Variants in ZNF517 observed in about 807,000 individuals in gnomAD.
The protein encoded by ZNF517 is zinc finger protein 517.
In ZNF517, 12 loss-of-function variants were observed where a neutral mutation model predicts 12.1. That is an observed-to-expected ratio of 0.99 (90% confidence interval 0.63 to 1.61). ZNF517 has a LOEUF of 1.61. ZNF517 is among the 40% of genes most tolerant of loss of function. The probability of loss-of-function intolerance (pLI) is 0.00; values close to 1 mark genes in which losing one functional copy is unlikely to be tolerated. For synonymous variants in ZNF517, 388 were observed against 310.2 expected, an observed-to-expected ratio of 1.25 and a Z score of -2.63; for missense variants, 781 against 693.2, an observed-to-expected ratio of 1.13 and a Z score of -1.42.
In ZNF517 at chr8:144,807,982, G is replaced by C. The variant is rs759062231; in HGVS notation, c.1066G>C (p.Gly356Arg). The change falls in exon 5 of 5, where the codon GGA becomes CGA. Residue 356 changes from glycine (G) to arginine (R), a missense_variant. Transcript: ENST00000359971. ...CGGCGTGGGGCAGGGCGCCCTGCTC[G>C]GAGCTGCGCAGAGGCCCCAGGCGGG... ...DGGVGQGALL[G>R]AAQRPQAGDP... 1.3e-6 allele frequency: 2 copies of C among 1,528,448 alleles called. No individual in the cohort carries two copies. Among genetic ancestry groups the C allele is most frequent in the South Asian group, 2.5e-5 (2 of 80,106 alleles). 94.7% of individuals were successfully genotyped at this position (1,528,448 alleles called of 1,614,324 possible).
intron 1 of ZNF517, among the ~76,000 whole-genome samples, chr8:144,801,743 A>T (rs895842152): frequency 3.9e-5 from 6 of 152,280 alleles, no homozygotes; most frequent in African/African-American, 1.4e-4. Flanking sequence ...TTAGAAAAAT[A>T]GAAAGAGGCC....
At position 144,808,081 on chromosome 8, in the gene ZNF517, C is replaced by T. The variant is rs1827368069; in HGVS notation, c.1165C>T (p.Leu389=). 2 of 1,610,082 alleles carry T rather than the reference C, an allele frequency of 1.2e-6. No homozygotes were observed. Among genetic ancestry groups the T allele is most frequent in the African/African-American group, 2.7e-5 (2 of 74,684 alleles). ...HNSLLLLHLR[L]HTGEKPFECA... The stretch of plus-strand genomic sequence containing the variant: ...CTCCCTGCTGCTGCTGCACCTGCGC[C>T]TACACACGGGCGAGAAGCCGTTCGA... The change falls in exon 5 of 5, where the codon CTA becomes TTA. Residue 389 remains leucine (L), a synonymous_variant. Transcript: ENST00000359971.
intron 1 of ZNF517, among the ~76,000 whole-genome samples, chr8:144,799,493 T>A (rs1586757790): frequency 6.6e-6 from 1 of 152,206 alleles, no homozygotes; most frequent in East Asian, 1.9e-4. Context: ...GGAGCATGAA[T>A]TGTAATAGAG....
At position 144,807,703 on chromosome 8, in the gene ZNF517, T is replaced by A. The variant is rs1227124948; in HGVS notation, c.787T>A (p.Cys263Ser). Residue 263 changes from cysteine (C) to serine (S), a missense_variant, in exon 5 of 5, where the codon TGC (cysteine) becomes AGC (serine). Coordinates refer to ENST00000359971, the MANE Select transcript of ZNF517 (RefSeq NM_213605.3). ...CCACACCCGCGAGCGGCCCTACGCA[T>A]GCGGCGAGTGCGGCAAGGCCTTCAG... Reference protein sequence around the residue: ...RVHTRERPYACGECGKAFSRS... With the variant: ...RVHTRERPYASGECGKAFSRS... 1.2e-6 allele frequency: 2 copies of A among 1,610,886 alleles called. No individual in the cohort carries two copies. Among genetic ancestry groups the A allele is most frequent in the Admixed American group, 3.3e-5 (2 of 59,906 alleles).
intron 4 of ZNF517, among the ~76,000 whole-genome samples, chr8:144,806,726 C>A (rs1289433002): frequency 1.3e-5 from 2 of 152,072 alleles, no homozygotes; most frequent in South Asian, 4.1e-4. Flanking sequence ...CTCAGGTGAT[C>A]GGCCCACCTC....
At chr8:144,810,163 G>C (rs963505017), downstream of ZNF517, 5 of 698,394 alleles carry the variant, frequency 7.2e-6, no homozygotes, top group Non-Finnish European at 1.3e-5. Flanking sequence ...AGCTCAGAAG[G>C]TGGGCCAGGA....
Position 144,808,123 on chromosome 8 carries a change from A to C in ZNF517, c.1207A>C (p.Lys403Gln). ...EKPFECAECG[K>Q]AFGRKSNLTL... The stretch of plus-strand genomic sequence containing the variant: ...GCCGTTCGAGTGCGCGGAGTGCGGC[A>C]AGGCCTTCGGTCGCAAGTCCAACCT... The change falls in exon 5 of 5, where the codon AAG (lysine) becomes CAG (glutamine). Residue 403 changes from lysine to glutamine, a missense_variant. Physicochemically the swap from Lys to Gln is moderately conservative, Grantham distance 53 (BLOSUM62 1). Coordinates refer to ENST00000359971, the MANE Select transcript of ZNF517 (RefSeq NM_213605.3). 6.2e-7 allele frequency: 1 copy of C among 1,612,366 alleles called. No homozygotes were observed.
At chr8:144,802,679 A>G (rs1387717523) in intron 1 of ZNF517, 191 bp from the exon 2 acceptor site, 3 of 880,192 alleles carry the variant, frequency 3.4e-6, no homozygotes, top group Admixed American at 6.2e-5. Flanking sequence ...AGAGCCAGAA[A>G]ACATTGGAAG....
intron 1 of ZNF517, 46 bp from the exon 2 acceptor site, chr8:144,802,824 G>T: frequency 6.2e-7 from 1 of 1,608,152 alleles, no homozygotes. Flanking sequence ...GGGCTGGAGG[G>T]CCTTAGGCCT....
rs2130449372 is a variant in ZNF517, at chr8:144,807,183, TC to T, written c.275-7del. 1 of 1,516,728 alleles carries T rather than the reference TC, an allele frequency of 6.6e-7. No individual in the cohort carries two copies. The highest frequency in any genetic ancestry group is 8.8e-7 in the Non-Finnish European group (1 of 1,133,794). 94.0% of individuals were successfully genotyped at this position (1,516,728 alleles called of 1,614,324 possible). On this transcript the variant is annotated splice_region_variant and splice_polypyrimidine_tract_variant and intron_variant, in intron 4 of 4. Coordinates refer to ENST00000359971, the MANE Select transcript of ZNF517 (RefSeq NM_213605.3). ...GATCATCCTTCCGTTTTCTGTTCCT[TC>T]TCTCAGATTCCAGGATGGAGGCTGG...
chr8:144,799,344 C>A (rs1438319618), intron 1 of ZNF517, among the ~76,000 whole-genome samples: 3 of 152,310 alleles, frequency 2.0e-5, no homozygotes, highest in Middle Eastern at 3.4e-3. Context: ...GTTCATTTAC[C>A]CTGCGCAGTT....
At position 144,808,365 on chromosome 8, in the gene ZNF517, G is replaced by T; in HGVS notation, c.1449G>T (p.Glu483Asp). Reference protein sequence around the residue: ...VHGREPGEDTEGRRAPCWAS With the variant: ...VHGREPGEDTDGRRAPCWAS ...GCCGCGAGCCCGGGGAGGACACAGA[G>T]GGCAGGCGGGCGCCCTGTTGGGCTT... Residue 483 changes from glutamate (E) to aspartate (D), a missense_variant, in exon 5 of 5, where the codon GAG (glutamate) becomes GAT (aspartate). Physicochemically the swap from Glu to Asp is conservative, Grantham distance 45 (BLOSUM62 2). Coordinates refer to ENST00000359971, the MANE Select transcript of ZNF517 (RefSeq NM_213605.3). 1.4e-6 allele frequency: 2 copies of T among 1,461,188 alleles called. No individual in the cohort carries two copies. Among genetic ancestry groups the T allele is most frequent in the Non-Finnish European group, 1.8e-6 (2 of 1,105,850 alleles). The allele number at this position is 1,461,188 out of a possible 1,614,324, so 90.5% of individuals were successfully genotyped here. A position where few individuals can be genotyped will look rare whatever the true frequency, so the allele number is the denominator to read the frequency against.
chr8:144,810,644 C>T (rs567909422), downstream of ZNF517: 1 of 174,012 alleles, frequency 5.7e-6, no homozygotes, highest in Non-Finnish European at 1.2e-5. Context: ...GGCAGCTGCC[C>T]ACATGCCCGC....
Position 144,807,497 on chromosome 8 carries a change from G to A in ZNF517, c.581G>A (p.Arg194Lys). The A allele has an allele frequency of 1.3e-6, 2 of 1,588,846 alleles. No individual in the cohort carries two copies. The highest frequency in any genetic ancestry group is 1.7e-6 in the Non-Finnish European group (2 of 1,168,216). Residue 194 changes from arginine (R) to lysine (K), a missense_variant, in exon 5 of 5, where the codon AGG becomes AAG. Physicochemically the swap from Arg to Lys is conservative, Grantham distance 26. Coordinates refer to ENST00000359971, the MANE Select transcript of ZNF517 (RefSeq NM_213605.3). Reference protein sequence around the residue: ...KAFRYNSLLLRHQIIHTGAKP... With the variant: ...KAFRYNSLLLKHQIIHTGAKP... ...TTCAGATACAACTCGCTGCTTCTCA[G>A]GCACCAGATCATCCACACCGGCGCC...
In ZNF517 at chr8:144,810,067, C is replaced by T; in HGVS notation, c.*1672C>T. ...GACTCTGTCTCAAACAAATAAAAAT[C>T]CCCTCTCCTAAACTCCATTATTGGT... On this transcript the variant is annotated 3_prime_UTR_variant, in exon 5 of 5. Transcript: ENST00000359971. 2 of 522,418 alleles carry T rather than the reference C, an allele frequency of 3.8e-6. No homozygotes were observed. The highest frequency in any genetic ancestry group is 3.0e-5 in the East Asian group (1 of 32,936). The allele number at this position is 522,418 out of a possible 1,614,324, so 32.4% of individuals were successfully genotyped here.
chr8:144,810,068 C>T lies in ZNF517; in HGVS notation c.*1673C>T, dbSNP rs1217528619. ...ACTCTGTCTCAAACAAATAAAAATCCCCTCTCCTAAACTCCATTATTGGTT... is the reference window on the plus strand; with the variant it reads ...ACTCTGTCTCAAACAAATAAAAATCTCCTCTCCTAAACTCCATTATTGGTT... On this transcript the variant is annotated 3_prime_UTR_variant, in exon 5 of 5. Coordinates refer to ENST00000359971, the MANE Select transcript of ZNF517 (RefSeq NM_213605.3). The T allele has an allele frequency of 1.9e-6, 1 of 522,592 alleles. No homozygotes were observed. The highest frequency in any genetic ancestry group is 3.5e-6 in the Non-Finnish European group (1 of 283,510). The allele number at this position is 522,592 out of a possible 1,614,324, so 32.4% of individuals were successfully genotyped here. A position where few individuals can be genotyped will look rare whatever the true frequency, so the allele number is the denominator to read the frequency against.
At position 144,802,921 on chromosome 8, in the gene ZNF517, A is replaced by G; in HGVS notation, c.7A>G (p.Met3Val). The stretch of plus-strand genomic sequence containing the variant: ...TCCACAGAGGGACCCTGGAATGGCG[A>G]TGGCACTCCCGATGCCTGGACCTCA... MA[M>V]ALPMPGPQEA... is the part of the protein sequence containing the mutation. The change falls in exon 2 of 5, where the codon ATG (methionine) becomes GTG (valine). Residue 3 changes from methionine to valine, a missense_variant. Transcript: ENST00000359971. The G allele has an allele frequency of 6.2e-7, 1 of 1,613,942 alleles. No homozygotes were observed. Among genetic ancestry groups the G allele is most frequent in the Non-Finnish European group, 8.5e-7 (1 of 1,179,926 alleles).
chr8:144,806,736 C>T (rs548547759), intron 4 of ZNF517, among the ~76,000 whole-genome samples: 9 of 152,208 alleles, frequency 5.9e-5, no homozygotes, highest in South Asian at 2.1e-4. Context: ...CGGCCCACCT[C>T]GGCCTCCCAA....
At chr8:144,805,160 C>T (rs2954666) in intron 4 of ZNF517, among the ~76,000 whole-genome samples, 11,892 of 152,258 alleles carry the variant, frequency 0.078, 1,042 homozygotes, top group African/African-American at 0.21. Flanking sequence ...AAGTAACGGG[C>T]GTCTTCCCAG....
Sources: gnomAD v4.1 joint callset for allele counts (sites outside exome capture counted in the v4.1 genomes callset) on GRCh38, gnomAD v4.1.1 for gene constraint, MANE v1.5 for transcripts, NCBI Gene and HGNC (gene_info 2026-07-23, HGNC 2026-07-21) for gene names.